Variants in ARHGEF6 observed in about 807,000 individuals in gnomAD.
ARHGEF6 encodes rho guanine nucleotide exchange factor 6.
Under a neutral mutation model 70.3 loss-of-function variants are expected in ARHGEF6, and 9 were observed. The observed-to-expected ratio is 0.13, with a 90% CI of 0.08 to 0.22. The LOEUF is 0.22. Among genes scored for constraint, ARHGEF6 ranks in the 10% least tolerant of loss-of-function variants. The probability of loss-of-function intolerance (pLI) is 1.00; values close to 1 mark genes in which losing one functional copy is unlikely to be tolerated. For missense variants in ARHGEF6, 470 were observed against 563.0 expected (o/e 0.83, Z 1.67); for synonymous variants, 201 against 207.8 (o/e 0.97, Z 0.28).
intron 19 of ARHGEF6, among the ~76,000 whole-genome samples, chrX:136,673,959 C>A (rs113906275): frequency 9.0e-6 from 1 of 111,118 alleles, no homozygotes; most frequent in South Asian, 3.9e-4. Context: ...CTCCACCTCC[C>A]GGGTTCAAGA....
intron 2 of ARHGEF6, among the ~76,000 whole-genome samples, chrX:136,762,772 G>A (rs185246775): frequency 2.0e-3 from 228 of 112,253 alleles, no homozygotes; most frequent in African/African-American, 7.2e-3. Flanking sequence ...GATTATAGGC[G>A]TGAGCCACTG....
chrX:136,750,081 A>G (rs764284699), intron 2 of ARHGEF6, among the ~76,000 whole-genome samples: 1 of 111,538 alleles, frequency 9.0e-6, no homozygotes, highest in Admixed American at 9.6e-5. Context: ...CCAAGTTTAG[A>G]GATGTTGATG....
At chrX:136,688,876 A>T (rs1474685546) in intron 10 of ARHGEF6, among the ~76,000 whole-genome samples, 4 of 111,687 alleles carry the variant, frequency 3.6e-5, no homozygotes, top group Non-Finnish European at 7.5e-5. Context: ...AGATTCAAAA[A>T]CGGCTTAGAG....
Position 136,762,401 on chromosome X carries a change from G to C in ARHGEF6, c.250-14809C>G, listed in dbSNP as rs563807280. 2.5e-4 allele frequency among the ~76,000 whole-genome samples: 28 copies of C among 112,212 alleles called. No individual in the cohort carries two copies. The South Asian group carries it at 9.8e-3, about 39-fold the overall frequency. ...CTGGGATATATTAAAATTCCAATTAGGAACTAGCTTTTATTGAGAGTTCAC... is the reference window on the plus strand; with the variant it reads ...CTGGGATATATTAAAATTCCAATTACGAACTAGCTTTTATTGAGAGTTCAC... On this transcript the variant is annotated intron_variant, in intron 2 of 21. Coordinates refer to ENST00000250617, the MANE Select transcript of ARHGEF6 (RefSeq NM_004840.3).
intron 6 of ARHGEF6, among the ~76,000 whole-genome samples, chrX:136,715,466 T>C (rs1020634432): frequency 9.0e-6 from 1 of 111,055 alleles, no homozygotes; most frequent in African/African-American, 3.3e-5. Context: ...AGGAAGGAAA[T>C]AGCTAAACAA....
intron 9 of ARHGEF6, among the ~76,000 whole-genome samples, chrX:136,699,026 A>C (rs926987115): frequency 3.5e-4 from 39 of 112,048 alleles, no homozygotes; most frequent in African/African-American, 1.1e-3. Context: ...AGAATATAAT[A>C]CCAGATAGTA....
At chrX:136,674,275 A>G (rs1341721820) in intron 19 of ARHGEF6, among the ~76,000 whole-genome samples, 1 of 112,747 alleles carries the variant, frequency 8.9e-6, no homozygotes, top group East Asian at 2.8e-4. Context: ...GATGTCCAAA[A>G]TGGAGTACTA....
At chrX:136,691,852 T>A (rs1343567745) in intron 9 of ARHGEF6, among the ~76,000 whole-genome samples, 1 of 111,656 alleles carries the variant, frequency 9.0e-6, no homozygotes, top group Non-Finnish European at 1.9e-5. Context: ...AGTCTTAACT[T>A]TTTAAACTCC....
chrX:136,769,287 C>T (rs2077346837), intron 2 of ARHGEF6, among the ~76,000 whole-genome samples: 1 of 110,615 alleles, frequency 9.0e-6, no homozygotes, highest in Admixed American at 9.6e-5. Flanking sequence ...TGGCGGGCAC[C>T]TGTAATCCCA....
Position 136,702,069 on chromosome X carries a change from T to C in ARHGEF6, c.1046+4839A>G, listed in dbSNP as rs923147364. Among the ~76,000 whole-genome samples the C allele has an allele frequency of 1.3e-4, 14 of 111,813 alleles. No individual in the cohort carries two copies. The Admixed American group carries it at 1.3e-3, about 11-fold the overall frequency. On this transcript the variant is annotated intron_variant, in intron 9 of 21. Transcript: ENST00000250617. ...GTTCAAAGTAATAATAGCAACAGTG[T>C]ATTGGGTGATTTTACTTTATAGAAA...
chrX:136,760,115 T>G (rs774628987), intron 2 of ARHGEF6, among the ~76,000 whole-genome samples: 27 of 112,494 alleles, frequency 2.4e-4, no homozygotes, highest in African/African-American at 8.1e-4. Flanking sequence ...TTGCCCATGT[T>G]GAAATGCAGA....
chrX:136,761,666 C>T (rs1468234348), intron 2 of ARHGEF6, among the ~76,000 whole-genome samples: 1 of 112,170 alleles, frequency 8.9e-6, no homozygotes, highest in Non-Finnish European at 1.9e-5. Flanking sequence ...AAATATTCAA[C>T]TTTGTTTTGC....
intron 2 of ARHGEF6, among the ~76,000 whole-genome samples, chrX:136,758,813 T>A (rs1332277715): frequency 9.0e-6 from 1 of 111,550 alleles, no homozygotes; most frequent in Non-Finnish European, 1.9e-5. Flanking sequence ...AAATGAAATT[T>A]TAGAAGTTCA....
At chrX:136,723,385 T>A (rs1019889562) in intron 6 of ARHGEF6, among the ~76,000 whole-genome samples, 1 of 112,166 alleles carries the variant, frequency 8.9e-6, no homozygotes, top group African/African-American at 3.2e-5. Flanking sequence ...TTCTGTTTTT[T>A]CTCTGACTCC....
At chrX:136,688,306 G>T (rs2076424738) in intron 10 of ARHGEF6, among the ~76,000 whole-genome samples, 1 of 111,424 alleles carries the variant, frequency 9.0e-6, no homozygotes, top group African/African-American at 3.3e-5. Context: ...AGTTGGTAAT[G>T]CATCATATAT....
At chrX:136,698,321 GGA>G (rs745787741) in intron 9 of ARHGEF6, among the ~76,000 whole-genome samples, 1 of 111,374 alleles carries the variant, frequency 9.0e-6, no homozygotes, top group South Asian at 3.7e-4. Flanking sequence ...TAAAAAGAGA[GGA>G]GAGAGAGAAT....
chrX:136,691,607 C>T lies in ARHGEF6; in HGVS notation c.1047-859G>A, dbSNP rs761124932. On this transcript the variant is annotated intron_variant, in intron 9 of 21. Transcript: ENST00000250617. The stretch of plus-strand genomic sequence containing the variant: ...TGAAACTTCTGCTTTATTACATGGC[C>T]CTTTTACCTCTTTGGTTGGCCATGC... 1.2e-4 allele frequency among the ~76,000 whole-genome samples: 13 copies of T among 111,933 alleles called. No individual in the cohort carries two copies. The South Asian group carries it at 4.9e-3, about 42-fold the overall frequency.
chrX:136,779,668 C>T (rs989920575), intron 1 of ARHGEF6, among the ~76,000 whole-genome samples, 171 bp from the exon 2 acceptor site: 1 of 111,838 alleles, frequency 8.9e-6, no homozygotes. Context: ...AAAATCTAAA[C>T]GGTCGATCTT....
chrX:136,707,690 A>G (rs778617217), intron 8 of ARHGEF6, among the ~76,000 whole-genome samples: 8 of 111,526 alleles, frequency 7.2e-5, no homozygotes, highest in Non-Finnish European at 1.1e-4. Flanking sequence ...ATCTTTGCAT[A>G]TCAATAATCT....
Sources: gnomAD v4.1 joint callset for allele counts (sites outside exome capture counted in the v4.1 genomes callset) on GRCh38, gnomAD v4.1.1 for gene constraint, MANE v1.5 for transcripts, NCBI Gene and HGNC (gene_info 2026-07-23, HGNC 2026-07-21) for gene names.